Variants in PRKN observed in about 807,000 individuals in gnomAD.
PRKN encodes parkin RBR E3 ubiquitin protein ligase.
A neutral mutation model predicts 59.5 loss-of-function variants in PRKN; 56 were observed. The ratio of observed to expected loss-of-function variants is 0.94; its 90% confidence interval spans 0.76 to 1.18. PRKN has a LOEUF of 1.18. Among genes scored for constraint, PRKN ranks in the 50% most tolerant of loss-of-function variants. The pLI is 0.00. For missense variants in PRKN, 657 were observed against 596.4 expected (o/e 1.10, Z -1.06); for synonymous variants, 250 against 222.1 (o/e 1.13, Z -1.12).
chr6:161,481,116 A>G (rs1471169693), intron 9 of PRKN, among the ~76,000 whole-genome samples: 1 of 152,128 alleles, frequency 6.6e-6, no homozygotes, highest in Non-Finnish European at 1.5e-5. Flanking sequence ...AACTGAAAAT[A>G]TTACATGCCA....
At chr6:161,938,144 G>C (rs765890861) in intron 6 of PRKN, among the ~76,000 whole-genome samples, 3 of 152,162 alleles carry the variant, frequency 2.0e-5, no homozygotes, top group Admixed American at 1.3e-4. Context: ...TATTTCATCA[G>C]ATCTGACATT....
chr6:162,159,808 C>T (rs550350752), intron 4 of PRKN, among the ~76,000 whole-genome samples: 1 of 152,270 alleles, frequency 6.6e-6, no homozygotes, highest in East Asian at 1.9e-4. Context: ...AAATACTAAT[C>T]TGCTAATTTT....
intron 5 of PRKN, among the ~76,000 whole-genome samples, chr6:161,981,764 T>G (rs940217076): frequency 6.6e-6 from 1 of 152,196 alleles, no homozygotes; most frequent in Non-Finnish European, 1.5e-5. Flanking sequence ...GACTATATAA[T>G]AAATGTACAC....
intron 5 of PRKN, among the ~76,000 whole-genome samples, chr6:162,022,439 C>T (rs189831152): frequency 8.3e-4 from 126 of 152,270 alleles, no homozygotes; most frequent in African/African-American, 2.9e-3. Flanking sequence ...AGATGTTGAA[C>T]ATTTTTAAAT....
At chr6:162,370,625 A>C (rs1015769803) in intron 2 of PRKN, among the ~76,000 whole-genome samples, 3 of 152,208 alleles carry the variant, frequency 2.0e-5, no homozygotes, top group African/African-American at 7.2e-5. Flanking sequence ...CAAAAATGGA[A>C]GCTGGTGGCA....
At chr6:162,297,019 G>A (rs1187568689) in intron 2 of PRKN, among the ~76,000 whole-genome samples, 1 of 152,114 alleles carries the variant, frequency 6.6e-6, no homozygotes, top group African/African-American at 2.4e-5. Flanking sequence ...GGCAAAGGGG[G>A]CCAAGAGTTA....
chr6:161,880,702 T>C (rs1194212160), intron 6 of PRKN, among the ~76,000 whole-genome samples: 1 of 152,126 alleles, frequency 6.6e-6, no homozygotes, highest in East Asian at 1.9e-4. Flanking sequence ...TCAAGCCCAG[T>C]GCATCATGAG....
At chr6:162,135,220 T>A (rs1583082163) in intron 4 of PRKN, among the ~76,000 whole-genome samples, 4 of 152,260 alleles carry the variant, frequency 2.6e-5, no homozygotes, top group Middle Eastern at 6.8e-3. Context: ...CACTGTAGTC[T>A]CTAACCCCTA....
Position 162,469,360 on chromosome 6 carries a change from G to A in PRKN, c.8-25887C>T, listed in dbSNP as rs1791601882. The stretch of plus-strand genomic sequence containing the variant: ...AAGTGGGGGGGTTGCAGGGGGGGGT[G>A]GGTGACAGAGGAAGTCATTCTACAA... On this transcript the variant is annotated intron_variant, in intron 1 of 11. Transcript: ENST00000366898. Among the ~76,000 whole-genome samples the A allele has an allele frequency of 6.4e-5, 9 of 140,090 alleles. 1 individual carries two copies. In the South Asian group the frequency reaches 2.2e-3, roughly 34 times the overall value. The allele number at this position is 140,090 out of a possible 152,430, so 91.9% of individuals were successfully genotyped here.
chr6:161,357,295 G>A lies in PRKN; in HGVS notation c.1285+2793C>T, dbSNP rs142319373. 0.02 allele frequency among the ~76,000 whole-genome samples: 3,082 copies of A among 152,150 alleles called. 78 individuals carry two copies. Among genetic ancestry groups the A allele is most frequent in the African/African-American group, 0.059 (2,445 of 41,496 alleles). On this transcript the variant is annotated intron_variant, in intron 11 of 11. Coordinates refer to ENST00000366898, the MANE Select transcript of PRKN (RefSeq NM_004562.3). The surrounding 1 kb of genome is among the most constrained non-coding windows in gnomAD (Gnocchi z 5.5). ...TCGAACTCCTGACCTCAGGTGATCC[G>A]CCTGCCTTGGCCTCCCAAAGTGCTG...
chr6:161,987,838 T>G (rs946194956), intron 5 of PRKN, among the ~76,000 whole-genome samples: 17 of 152,330 alleles, frequency 1.1e-4, no homozygotes, highest in African/African-American at 4.1e-4. Context: ...TGTTTATCTC[T>G]CCTCTATTTT....
rs1043394758 is a variant in PRKN at position 161,454,223 on chromosome 6, C to T, written c.1084-67346G>A. 8.5e-5 allele frequency among the ~76,000 whole-genome samples: 13 copies of T among 152,182 alleles called. No individual in the cohort carries two copies. The highest frequency in any genetic ancestry group is 3.1e-4 in the African/African-American group (13 of 41,514). On this transcript the variant is annotated intron_variant, in intron 9 of 11. Coordinates refer to ENST00000366898, the MANE Select transcript of PRKN (RefSeq NM_004562.3). This position sits in a 1 kb window ranked among gnomAD's most constrained non-coding sequence, Gnocchi z 4.6. ...GAACGGCAGCATGGGTTCTATAGGT[C>T]GGGGTGGCATTAGCACTGACGGCAC... is the stretch of plus-strand genomic sequence containing the variant.
chr6:162,595,966 C>A lies in PRKN; in HGVS notation c.7+131696G>T, dbSNP rs74758684. 5.2e-4 allele frequency among the ~76,000 whole-genome samples: 79 copies of A among 152,024 alleles called. 2 individuals carry two copies. The East Asian group carries it at 0.015, about 29-fold the overall frequency. ...TTTAACTTAATCCAAAATGCCTTCACAATTTCTAACAAGTTTGCTGTAGAA... is the reference window on the plus strand; with the variant it reads ...TTTAACTTAATCCAAAATGCCTTCAAAATTTCTAACAAGTTTGCTGTAGAA... On this transcript the variant is annotated intron_variant, in intron 1 of 11. Coordinates refer to ENST00000366898, the MANE Select transcript of PRKN (RefSeq NM_004562.3).
intron 5 of PRKN, among the ~76,000 whole-genome samples, chr6:162,040,101 C>G (rs115434229): frequency 6.6e-6 from 1 of 152,080 alleles, no homozygotes; most frequent in Admixed American, 6.6e-5. Context: ...TTCTCAAACA[C>G]GATGGTTGTC....
intron 2 of PRKN, among the ~76,000 whole-genome samples, chr6:162,430,359 A>T (rs1789458770): frequency 6.6e-6 from 1 of 152,136 alleles, no homozygotes; most frequent in Non-Finnish European, 1.5e-5. Flanking sequence ...ACATTAACTA[A>T]TGCACCAAAG....
chr6:162,152,906 C>G (rs1782333360), intron 4 of PRKN, among the ~76,000 whole-genome samples: 1 of 152,170 alleles, frequency 6.6e-6, no homozygotes, highest in Non-Finnish European at 1.5e-5. Flanking sequence ...GTTTAAAATG[C>G]ACTGCTTTAA....
At position 161,447,293 on chromosome 6, in the gene PRKN, G is replaced by A. The variant is rs73026926; in HGVS notation, c.1084-60416C>T. 2.6e-5 allele frequency among the ~76,000 whole-genome samples: 4 copies of A among 152,052 alleles called. No homozygotes were observed. Among genetic ancestry groups the A allele is most frequent in the South Asian group, 2.1e-4 (1 of 4,828 alleles). ...ACATGCTCAATCTAGGGTTTCCCGC[G>A]GCTAAACCCTAAAATTCACTTCGAA... On this transcript the variant is annotated intron_variant, in intron 9 of 11. Coordinates refer to ENST00000366898, the MANE Select transcript of PRKN (RefSeq NM_004562.3). This position sits in a 1 kb window ranked among gnomAD's most constrained non-coding sequence, Gnocchi z 4.1.
At chr6:162,245,084 G>T (rs549565232) in intron 3 of PRKN, among the ~76,000 whole-genome samples, 69 of 152,176 alleles carry the variant, frequency 4.5e-4, no homozygotes, top group African/African-American at 1.6e-3. Context: ...ATATTAAATA[G>T]GACTATTTTA....
Position 161,361,680 on chromosome 6 carries a change from T to G in PRKN, c.1168-1475A>C, listed in dbSNP as rs1399531956. On this transcript the variant is annotated intron_variant, in intron 10 of 11. Coordinates refer to ENST00000366898, the MANE Select transcript of PRKN (RefSeq NM_004562.3). This position sits in a 1 kb window ranked among gnomAD's most constrained non-coding sequence, Gnocchi z 5.2. ...GTGAAGCCAATTTCGTTTCTGTTAATGAGCCATCATGGGCACAAAGGAAAC... is the reference window on the plus strand; with the variant it reads ...GTGAAGCCAATTTCGTTTCTGTTAAGGAGCCATCATGGGCACAAAGGAAAC... Among the ~76,000 whole-genome samples the G allele has an allele frequency of 1.3e-5, 2 of 152,202 alleles. No homozygotes were observed. Among genetic ancestry groups the G allele is most frequent in the Non-Finnish European group, 2.9e-5 (2 of 68,038 alleles).
Sources: gnomAD v4.1 joint callset for allele counts (sites outside exome capture counted in the v4.1 genomes callset) on GRCh38, gnomAD v4.1.1 for gene constraint, Gnocchi (gnomAD v3.1) non-coding constraint, MANE v1.5 for transcripts, NCBI Gene and HGNC (gene_info 2026-07-23, HGNC 2026-07-21) for gene names.